The following RP1 variants were observed in gnomAD, a reference collection of about 807,000 sequenced individuals.
RP1 encodes the protein oxygen-regulated protein 1.
Under a neutral mutation model 14.8 loss-of-function variants are expected in RP1, and 16 were observed. The observed-to-expected ratio is 1.08, with a 90% CI of 0.73 to 1.65. RP1 has a LOEUF of 1.65. RP1 is among the 40% of genes most tolerant of loss of function. The probability of loss-of-function intolerance (pLI) is 0.00; values close to 1 mark genes in which losing one functional copy is unlikely to be tolerated. For synonymous variants in RP1, 876 were observed against 883.6 expected (o/e 0.99, Z 0.15); for missense variants, 2,631 against 2,535.0 (o/e 1.04, Z -0.81).
chr8:54,776,190 G>A (rs1810034990), intron 23 of RP1, among the ~76,000 whole-genome samples: 1 of 152,104 alleles, frequency 6.6e-6, no homozygotes, highest in Non-Finnish European at 1.5e-5. Flanking sequence ...CCATTTTGTT[G>A]TTGTTTTTGT....
At position 54,766,524 on chromosome 8, in the gene RP1, G is replaced by A. The variant is rs187806183; in HGVS notation, c.3249-3217G>A. 2.6e-5 allele frequency among the ~76,000 whole-genome samples: 4 copies of A among 152,222 alleles called. No homozygotes were observed. In the East Asian group the frequency reaches 7.7e-4, roughly 29 times the overall value. The stretch of plus-strand genomic sequence containing the variant: ...GGGAAACTGACAGAATGAGGTGCAG[G>A]GATGAGTCTTGTTCATTTTTTGGGG... On this transcript the variant is annotated intron_variant, in intron 22 of 22. Transcript: ENST00000636932.
In RP1 at chr8:54,567,848, A is replaced by C. The variant is rs1586387707; in HGVS notation, c.-13+8528A>C. Among the ~76,000 whole-genome samples the C allele has an allele frequency of 2.0e-5, 3 of 152,328 alleles. No individual in the cohort carries two copies. In the East Asian group the frequency reaches 5.8e-4, roughly 29 times the overall value. On this transcript the variant is annotated intron_variant, in intron 1 of 22. Coordinates refer to the RP1 transcript ENST00000636932. The stretch of plus-strand genomic sequence containing the variant: ...TCTTGTTTATGTGTGTGTTGTGGTT[A>C]GGGGAGGTAGAGGGGGATTTGTCTG...
At chr8:54,834,855 G>C (rs1486165563) in intron 24 of RP1, among the ~76,000 whole-genome samples, 1 of 152,082 alleles carries the variant, frequency 6.6e-6, no homozygotes, top group African/African-American at 2.4e-5. Context: ...TAGATGACTT[G>C]AGATGCTGAG....
At chr8:54,647,970 G>A (rs1204162848) in intron 3 of RP1, among the ~76,000 whole-genome samples, 1 of 152,096 alleles carries the variant, frequency 6.6e-6, no homozygotes, top group Non-Finnish European at 1.5e-5. Context: ...GGTGGGAGGT[G>A]GTTGGATCAT....
intron 24 of RP1, among the ~76,000 whole-genome samples, chr8:54,801,776 T>A (rs1810714230): frequency 6.6e-6 from 1 of 152,222 alleles, no homozygotes; most frequent in Non-Finnish European, 1.5e-5. Context: ...ACAGGACATC[T>A]GTAGGCATCC....
intron 12 of RP1, among the ~76,000 whole-genome samples, chr8:54,693,721 G>A (rs1421095940): frequency 1.3e-5 from 2 of 152,164 alleles, no homozygotes; most frequent in African/African-American, 4.8e-5. Context: ...ATTTTTGGCT[G>A]AGACAATGGG....
intron 8 of RP1, among the ~76,000 whole-genome samples, chr8:54,675,230 A>G (rs1231589942): frequency 6.6e-6 from 1 of 152,202 alleles, no homozygotes; most frequent in African/African-American, 2.4e-5. Flanking sequence ...TAACCTTATT[A>G]TAAGATAAAG....
At chr8:54,702,819 T>C (rs896611314) in intron 14 of RP1, among the ~76,000 whole-genome samples, 13 of 152,232 alleles carry the variant, frequency 8.5e-5, no homozygotes, top group African/African-American at 3.1e-4. Context: ...GTCTGAATCA[T>C]TTGTTGTCAT....
intron 6 of RP1, among the ~76,000 whole-genome samples, chr8:54,657,871 C>T (rs1278292260): frequency 2.0e-5 from 3 of 152,198 alleles, no homozygotes; most frequent in Non-Finnish European, 4.4e-5. Flanking sequence ...AGTGGGCTCA[C>T]AGTCTGTGTG....
At chr8:54,653,327 A>G (rs774607067) in intron 5 of RP1, among the ~76,000 whole-genome samples, 38 of 152,206 alleles carry the variant, frequency 2.5e-4, no homozygotes, top group Non-Finnish European at 3.2e-4. Context: ...AATTTTCTAC[A>G]TTGTTCAGCA....
rs371615089 is a variant in RP1, at chr8:54,650,004, G to A, written c.951+856G>A. Among the ~76,000 whole-genome samples the A allele has an allele frequency of 4.6e-5, 7 of 152,174 alleles. No individual in the cohort carries two copies. In the East Asian group the frequency reaches 9.6e-4, roughly 21 times the overall value. ...GGAAAAGATTTTGTCATTATTTTCT[G>A]TGAGTAAGAAATAAAAATAGTCTGA... On this transcript the variant is annotated intron_variant, in intron 4 of 22. Transcript: ENST00000636932.
exon 20 of RP1, chr8:54,754,825 G>A (rs1287867782): frequency 1.3e-6 from 2 of 1,525,264 alleles, no homozygotes; most frequent in Admixed American, 2.0e-5. Flanking sequence ...CATATGAAAA[G>A]CAAGAAGATC....
intron 12 of RP1, among the ~76,000 whole-genome samples, chr8:54,684,445 CT>C (rs766273406): frequency 2.6e-5 from 4 of 152,094 alleles, no homozygotes; most frequent in East Asian, 1.9e-4. Context: ...TGGTAGTAGG[CT>C]TTTTTTGGTT....
intron 1 of RP1, among the ~76,000 whole-genome samples, chr8:54,564,318 G>A (rs1804352713): frequency 6.6e-6 from 1 of 152,200 alleles, no homozygotes; most frequent in Non-Finnish European, 1.5e-5. Flanking sequence ...CTGCAGAGGG[G>A]TGGGGTGAGG....
At chr8:54,868,432 A>T (rs138040813) in intron 28 of RP1, among the ~76,000 whole-genome samples, 258 of 152,288 alleles carry the variant, frequency 1.7e-3, no homozygotes, top group African/African-American at 5.9e-3. Flanking sequence ...GTATTAAAAA[A>T]TTATCTTGCT....
chr8:54,797,106 C>T (rs1456308882), intron 24 of RP1, among the ~76,000 whole-genome samples: 2 of 152,066 alleles, frequency 1.3e-5, no homozygotes, highest in African/African-American at 4.8e-5. Context: ...GAAAAATTAT[C>T]CATTTTTGCA....
At chr8:54,647,316 A>C (rs955015952) in intron 3 of RP1, among the ~76,000 whole-genome samples, 12 of 152,116 alleles carry the variant, frequency 7.9e-5, no homozygotes, top group African/African-American at 2.9e-4. Flanking sequence ...TGAGAGGCTG[A>C]GGCAGGAGAA....
At chr8:54,716,659 A>C (rs1364015545) in intron 15 of RP1, among the ~76,000 whole-genome samples, 3 of 152,180 alleles carry the variant, frequency 2.0e-5, no homozygotes, top group Non-Finnish European at 4.4e-5. Flanking sequence ...GCCCTCTCCC[A>C]GATCTCCAGT....
chr8:54,678,066 T>C (rs1398156644), intron 8 of RP1, among the ~76,000 whole-genome samples: 1 of 152,228 alleles, frequency 6.6e-6, no homozygotes, highest in Admixed American at 6.5e-5. Context: ...TTTGTTTAAA[T>C]TTGAACTTTA....
Sources: gnomAD v4.1 joint callset for allele counts (sites outside exome capture counted in the v4.1 genomes callset) on GRCh38, gnomAD v4.1.1 for gene constraint, MANE v1.5 for transcripts, NCBI Gene and HGNC (gene_info 2026-07-23, HGNC 2026-07-21) for gene names.